The following KCNH3 variants were observed in gnomAD, a reference collection of about 807,000 sequenced individuals.
KCNH3 encodes the protein voltage-gated inwardly rectifying potassium channel KCNH3.
Under a neutral mutation model 95.6 loss-of-function variants are expected in KCNH3, and 36 were observed. The observed-to-expected ratio is 0.38, with a 90% CI of 0.29 to 0.50. The LOEUF is 0.50. Among genes scored for constraint, KCNH3 ranks in the 20% least tolerant of loss-of-function variants. The pLI, the probability that KCNH3 is intolerant of heterozygous loss-of-function variation, is 0.95. For missense variants in KCNH3, 1,030 were observed against 1,484.1 expected (o/e 0.69, Z 5.03); for synonymous variants, 620 against 646.3 (o/e 0.96, Z 0.62).
chr12:49,542,632 G>C, intron 3 of KCNH3, 74 bp from the exon 4 acceptor site: 1 of 1,486,488 alleles, frequency 6.7e-7, no homozygotes, highest in Non-Finnish European at 9.0e-7. Flanking sequence ...CAGCAACTGT[G>C]TCCTACACCT....
Position 49,555,700 on chromosome 12 carries a change from C to T in KCNH3, c.2217C>T (p.Pro739=), listed in dbSNP as rs1938415397. The change falls in exon 12 of 15, where the codon CCC becomes CCT. Residue 739 remains proline (P), a synonymous_variant. Transcript: ENST00000257981. ...AGGAGACAGATGGGGAGCAGGGCCC[C>T]ACGGTCTCCCCAGCCCCAGCTGATG... ...EEKETDGEQG[P]TVSPAPADEP... 8.1e-6 allele frequency: 13 copies of T among 1,611,024 alleles called. No individual in the cohort carries two copies. The highest frequency in any genetic ancestry group is 1.1e-5 in the Non-Finnish European group (13 of 1,178,426).
At chr12:49,544,732 C>T (rs569633764) in intron 7 of KCNH3, among the ~76,000 whole-genome samples, 17 of 152,082 alleles carry the variant, frequency 1.1e-4, no homozygotes, top group South Asian at 2.1e-4. Flanking sequence ...CCCCTCCCCC[C>T]GCATCCTCTC....
At chr12:49,552,778 G>T (rs944578542) in intron 10 of KCNH3, among the ~76,000 whole-genome samples, 4 of 152,168 alleles carry the variant, frequency 2.6e-5, no homozygotes, top group Non-Finnish European at 5.9e-5. Flanking sequence ...AAGACAAGAA[G>T]CACGTGCTTA....
intron 12 of KCNH3, 35 bp downstream of exon 12, chr12:49,555,986 T>C (rs775893003): frequency 9.5e-7 from 1 of 1,050,318 alleles, no homozygotes; most frequent in Admixed American, 2.1e-5. Flanking sequence ...GCAGAGATGG[T>C]GGTGATGAGG....
chr12:49,558,275 T>C lies in KCNH3; in HGVS notation c.*322T>C. 2.6e-6 allele frequency: 1 copy of C among 386,888 alleles called. No individual in the cohort carries two copies. The highest frequency in any genetic ancestry group is 4.5e-6 in the Non-Finnish European group (1 of 220,698). 24.0% of individuals were successfully genotyped at this position (386,888 alleles called of 1,614,324 possible). A position where few individuals can be genotyped will look rare whatever the true frequency, so the allele number is the denominator to read the frequency against. On this transcript the variant is annotated 3_prime_UTR_variant, in exon 15 of 15. Transcript: ENST00000257981. ...CTCTACCTGTCCCCAAATTTTTATA[T>C]TAAAAAAAAAAAATAAAATAAACTA...
In KCNH3 at chr12:49,539,587, G is replaced by C; in HGVS notation, c.76+95G>C. On this transcript the variant is annotated intron_variant, in intron 1 of 14. Coordinates refer to ENST00000257981, the MANE Select transcript of KCNH3 (RefSeq NM_012284.3). This position sits in a 1 kb window ranked among gnomAD's most constrained non-coding sequence, Gnocchi z 6.7. ...CCCCCAGCAGCCCAGCTTGGCGCCA[G>C]CCTATTCTCACCCTCTCCTCCCTAC... The C allele has an allele frequency of 9.0e-7, 1 of 1,109,946 alleles. No homozygotes were observed. Among genetic ancestry groups the C allele is most frequent in the South Asian group, 1.4e-5 (1 of 72,338 alleles). The allele number at this position is 1,109,946 out of a possible 1,614,324, so 68.8% of individuals were successfully genotyped here. A position where few individuals can be genotyped will look rare whatever the true frequency, so the allele number is the denominator to read the frequency against.
In KCNH3 at chr12:49,548,984, GACA is replaced by G; in HGVS notation, c.1282_1284del (p.Asn428del). 1 of 1,610,890 alleles carries G rather than the reference GACA, an allele frequency of 6.2e-7. No homozygotes were observed. The highest frequency in any genetic ancestry group is 8.5e-7 in the Non-Finnish European group (1 of 1,179,184). On this transcript the variant is annotated inframe_deletion, in exon 8 of 15. Transcript: ENST00000257981. ...TGGAGGGAACAGCTCCGGCCAGAGTGACAACTGCAGCAGCAGCAGCGAGGCCAA... is the reference window on the plus strand; with the variant it reads ...TGGAGGGAACAGCTCCGGCCAGAGTGACTGCAGCAGCAGCAGCGAGGCCAA...
intron 10 of KCNH3, among the ~76,000 whole-genome samples, chr12:49,550,958 G>T (rs917772859): frequency 6.6e-6 from 1 of 152,238 alleles, no homozygotes; most frequent in Non-Finnish European, 1.5e-5. Context: ...ATAACAGGGG[G>T]CTCACAGCGT....
chr12:49,556,701 G>A (rs1383555834), intron 13 of KCNH3: 1 of 694,866 alleles, frequency 1.4e-6, no homozygotes, highest in Non-Finnish European at 2.6e-6. Context: ...TCCTTGCTCT[G>A]TCAGCTTTCT....
chr12:49,541,060 C>A lies in KCNH3; in HGVS notation c.238C>A (p.Arg80Ser). 6.2e-7 allele frequency: 1 copy of A among 1,613,176 alleles called. No individual in the cohort carries two copies. Among genetic ancestry groups the A allele is most frequent in the Non-Finnish European group, 8.5e-7 (1 of 1,180,042 alleles). ...TGGGCCAGACACCAGTGAGCTCGTC[C>A]GCCAACAGATCCGCAAGGCCCTGGA... ...LYGPDTSELVRQQIRKALDEH... is the reference protein window; with the variant it reads ...LYGPDTSELVSQQIRKALDEH... Residue 80 changes from arginine (R) to serine (S), a missense_variant, in exon 2 of 15, where the codon CGC becomes AGC. Around this residue, in one of 9 missense-constraint regions of KCNH3, gnomAD observed 63 missense variants for 107.7 expected, o/e 0.59. Coordinates refer to ENST00000257981, the MANE Select transcript of KCNH3 (RefSeq NM_012284.3).
At chr12:49,553,142 GA>G (rs1213087292) in intron 10 of KCNH3, among the ~76,000 whole-genome samples, 1 of 138,724 alleles carries the variant, frequency 7.2e-6, no homozygotes, top group African/African-American at 3.3e-5. Context: ...TGTTGGAAAT[GA>G]ATTTTTTTTT....
chr12:49,549,234 C>G (rs1938172220), intron 8 of KCNH3, 61 bp downstream of exon 8: 4 of 1,522,854 alleles, frequency 2.6e-6, no homozygotes, highest in Non-Finnish European at 3.5e-6. Flanking sequence ...GCAGGCGGCG[C>G]CGTCCCACTC....
In KCNH3 at chr12:49,557,634, G is replaced by T; in HGVS notation, c.2933G>T (p.Gly978Val). The T allele has an allele frequency of 1.9e-6, 3 of 1,613,374 alleles. No individual in the cohort carries two copies. Among genetic ancestry groups the T allele is most frequent in the Non-Finnish European group, 2.5e-6 (3 of 1,179,838 alleles). Reference protein sequence around the residue: ...PPPLMAPWPWGPPASQSSPWP... With the variant: ...PPPLMAPWPWVPPASQSSPWP... ...CCCCTCATGGCACCCTGGCCCTGGGGTCCCCCAGCGTCTCAGAGCTCCCCC... is the reference window on the plus strand; with the variant it reads ...CCCCTCATGGCACCCTGGCCCTGGGTTCCCCCAGCGTCTCAGAGCTCCCCC... Residue 978 changes from glycine to valine, a missense_variant, in exon 15 of 15, where the codon GGT (glycine) becomes GTT (valine). Gly to Val is a moderately radical substitution (Grantham distance 109). Coordinates refer to ENST00000257981, the MANE Select transcript of KCNH3 (RefSeq NM_012284.3).
chr12:49,548,873 G>T, intron 7 of KCNH3, 22 bp from the exon 8 acceptor site: 2 of 1,542,126 alleles, frequency 1.3e-6, no homozygotes, highest in African/African-American at 2.7e-5. Flanking sequence ...TGCCTGCTCA[G>T]GCCCTGCTGT....
intron 10 of KCNH3, among the ~76,000 whole-genome samples, chr12:49,551,304 G>A (rs949185962): frequency 2.6e-5 from 4 of 152,080 alleles, no homozygotes; most frequent in Non-Finnish European, 5.9e-5. Context: ...GACCGGGCGC[G>A]GTAGCTCAAG....
rs74877932 is a variant in KCNH3 at position 49,556,310 on chromosome 12, G to A, written c.2469-60G>A. 715 of 1,288,014 alleles carry A rather than the reference G, an allele frequency of 5.6e-4. 2 individuals are homozygous for A. The African/African-American group carries it at 6.7e-3, about 12-fold the overall frequency. 79.8% of individuals were successfully genotyped at this position (1,288,014 alleles called of 1,614,324 possible). ...TGTGGACGCTGGGGCATCCCGTCCC[G>A]TATGACCCCACAGTGGCTGCCTGTC... On this transcript the variant is annotated intron_variant, in intron 12 of 14. Coordinates refer to ENST00000257981, the MANE Select transcript of KCNH3 (RefSeq NM_012284.3).
In KCNH3 at chr12:49,557,840, G is replaced by A. The variant is rs781417170; in HGVS notation, c.3139G>A (p.Gly1047Arg). Residue 1047 changes from glycine (G) to arginine (R), a missense_variant, in exon 15 of 15, where the codon GGG becomes AGG. Gly to Arg is a moderately radical substitution (Grantham distance 125, BLOSUM62 -2). Around this residue, in one of 9 missense-constraint regions of KCNH3, gnomAD observed 464 missense variants for 493.2 expected, o/e 0.94. Coordinates refer to ENST00000257981, the MANE Select transcript of KCNH3 (RefSeq NM_012284.3). ...EATSTGEPPPGSGGLALPWDP... is the reference protein window; with the variant it reads ...EATSTGEPPPRSGGLALPWDP... ...TACCAGCACTGGAGAGCCCCCACCA[G>A]GGTCAGGGGGCCTGGCCTTGCCCTG... The A allele has an allele frequency of 2.4e-5, 38 of 1,594,922 alleles. No individual in the cohort carries two copies. In the Admixed American group the frequency reaches 6.6e-4, roughly 28 times the overall value.
At chr12:49,549,704 A>G in intron 9 of KCNH3, 64 bp downstream of exon 9, 1 of 1,468,056 alleles carries the variant, frequency 6.8e-7, no homozygotes, top group Non-Finnish European at 9.3e-7. Flanking sequence ...ATAGCCTAGA[A>G]TTATCAGGAG....
At position 49,557,636 on chromosome 12, in the gene KCNH3, C is replaced by G. The variant is rs1262720174; in HGVS notation, c.2935C>G (p.Pro979Ala). 6.2e-7 allele frequency: 1 copy of G among 1,613,246 alleles called. No homozygotes were observed. The highest frequency in any genetic ancestry group is 1.1e-5 in the South Asian group (1 of 91,062). ...PPLMAPWPWG[P>A]PASQSSPWPR... Reference sequence around the variant, plus strand: ...CCTCATGGCACCCTGGCCCTGGGGTCCCCCAGCGTCTCAGAGCTCCCCCTG... The same window carrying G: ...CCTCATGGCACCCTGGCCCTGGGGTGCCCCAGCGTCTCAGAGCTCCCCCTG... Residue 979 changes from proline (P) to alanine (A), a missense_variant, in exon 15 of 15, where the codon CCC becomes GCC. Physicochemically the swap from Pro to Ala is conservative, Grantham distance 27 (BLOSUM62 -1). Coordinates refer to ENST00000257981, the MANE Select transcript of KCNH3 (RefSeq NM_012284.3).
Sources: allele counts gnomAD v4.1 joint callset (sites outside exome capture counted in the v4.1 genomes callset), GRCh38; gene constraint gnomAD v4.1.1; regional missense constraint gnomAD v4.1.1; non-coding constraint Gnocchi (gnomAD v3.1); transcripts MANE v1.5; gene names NCBI Gene and HGNC (gene_info 2026-07-23, HGNC 2026-07-21).